DYM: variants seen among roughly 807,000 people sequenced by gnomAD.
DYM encodes the protein dymeclin, also known as dyggve-Melchior-Clausen syndrome protein.
Under a neutral mutation model 93.1 loss-of-function variants are expected in DYM, and 78 were observed. The ratio of observed to expected loss-of-function variants is 0.84; its 90% CI spans 0.70 to 1.01. DYM has a LOEUF of 1.01. DYM is among the 50% of genes least tolerant of loss of function. The pLI, the probability that DYM is intolerant of heterozygous loss-of-function variation, is 0.00. For missense variants in DYM, 789 were observed against 845.0 expected, an observed-to-expected ratio of 0.93 and a Z score of 0.82; for synonymous variants, 321 against 319.7, an observed-to-expected ratio of 1.00 and a Z score of -0.04.
At chr18:49,138,704 T>C (rs559867518) in intron 15 of DYM, among the ~76,000 whole-genome samples, 1 of 152,282 alleles carries the variant, frequency 6.6e-6, no homozygotes, top group Non-Finnish European at 1.5e-5. Context: ...GAACAGGTAC[T>C]GTACTAACTG....
chr18:49,191,791 G>A (rs1470206090), intron 14 of DYM, among the ~76,000 whole-genome samples: 2 of 152,138 alleles, frequency 1.3e-5, no homozygotes, highest in African/African-American at 4.8e-5. Context: ...TCTACGATGA[G>A]TCAAAATGAT....
Position 49,040,569 on chromosome 18 carries a change from CAGG to C in DYM, c.*3483_*3485del, listed in dbSNP as rs2070872966. ...GAATAGAAACTGACCTCTTTGACTC[CAGG>C]AGGTGATGTAGGACACTGGAATTGT... On this transcript the variant is annotated 3_prime_UTR_variant, in exon 18 of 18. Transcript: ENST00000675505. Among the ~76,000 whole-genome samples, 2 of 152,144 alleles carry C rather than the reference CAGG, an allele frequency of 1.3e-5. No individual in the cohort carries two copies. Among genetic ancestry groups the C allele is most frequent in the South Asian group, 4.1e-4 (2 of 4,834 alleles).
chr18:49,300,316 T>C, intron 8 of DYM, among the ~76,000 whole-genome samples: 1 of 151,914 alleles, frequency 6.6e-6, no homozygotes, highest in Non-Finnish European at 1.5e-5. Context: ...TTTTACATAG[T>C]AGGCCGGGTG....
intron 13 of DYM, among the ~76,000 whole-genome samples, chr18:49,255,255 T>A (rs2094367244): frequency 6.6e-6 from 1 of 152,208 alleles, no homozygotes; most frequent in African/African-American, 2.4e-5. Flanking sequence ...CAAAACTGAA[T>A]GGTCAAAACC....
At chr18:49,129,083 T>C (rs2083122367) in intron 15 of DYM, among the ~76,000 whole-genome samples, 2 of 148,302 alleles carry the variant, frequency 1.3e-5, no homozygotes, top group South Asian at 4.3e-4. Flanking sequence ...AAAAAGGCAG[T>C]AAAGGGTCAC....
chr18:49,080,134 G>A (rs1326723336), intron 17 of DYM, among the ~76,000 whole-genome samples: 2 of 51,152 alleles, frequency 3.9e-5, no homozygotes, highest in Admixed American at 3.3e-4. Flanking sequence ...CCTCCCTCCC[G>A]GACGGGGCGG....
intron 6 of DYM, among the ~76,000 whole-genome samples, chr18:49,348,114 T>C (rs1356018043): frequency 1.3e-5 from 2 of 152,090 alleles, no homozygotes; most frequent in African/African-American, 4.8e-5. Flanking sequence ...CTTCATGAAA[T>C]GGGTGTTAGT....
Position 49,037,058 on chromosome 18 carries a change from C to T in DYM, c.*6997G>A, listed in dbSNP as rs111451224. On this transcript the variant is annotated 3_prime_UTR_variant, in exon 18 of 18. Coordinates refer to ENST00000675505, the MANE Select transcript of DYM (RefSeq NM_001353214.3). ...CTGGGACTACAGATGCCCACCACCA[C>T]GCCCAGCTAATTTTTGTATTTTTAG... is the stretch of plus-strand genomic sequence containing the variant. 0.28 allele frequency among the ~76,000 whole-genome samples: 41,997 copies of T among 151,836 alleles called. 6,822 individuals are homozygous for T. Among genetic ancestry groups the T allele is most frequent in the East Asian group, 0.58 (2,970 of 5,160 alleles).
intron 14 of DYM, among the ~76,000 whole-genome samples, chr18:49,175,776 A>G (rs532155582): frequency 2.0e-3 from 310 of 152,288 alleles, no homozygotes; most frequent in Non-Finnish European, 3.9e-3. Flanking sequence ...ACTGCTCCAT[A>G]TTTCAACACT....
At chr18:49,107,917 C>G (rs2145786413) in intron 16 of DYM, among the ~76,000 whole-genome samples, 1 of 152,338 alleles carries the variant, frequency 6.6e-6, no homozygotes, top group East Asian at 1.9e-4. Context: ...GGGAGAACCA[C>G]TACTCTCTTC....
intron 8 of DYM, among the ~76,000 whole-genome samples, chr18:49,297,210 G>T (rs2060618939): frequency 6.6e-6 from 1 of 152,188 alleles, no homozygotes; most frequent in Non-Finnish European, 1.5e-5. Context: ...GTAGGATGAA[G>T]TATAAATATA....
chr18:49,194,449 T>A (rs1042120822), intron 14 of DYM, among the ~76,000 whole-genome samples: 2 of 152,232 alleles, frequency 1.3e-5, no homozygotes, highest in Admixed American at 6.5e-5. Context: ...ATTTTTTGGA[T>A]CAAATATGAA....
At chr18:49,405,980 T>C (rs573995682) in intron 2 of DYM, among the ~76,000 whole-genome samples, 7 of 152,184 alleles carry the variant, frequency 4.6e-5, no homozygotes, top group Non-Finnish European at 7.3e-5. Flanking sequence ...TTCTTTTTTG[T>C]GAGGCTGTTG....
At chr18:49,392,234 A>C (rs2069343029) in intron 2 of DYM, among the ~76,000 whole-genome samples, 1 of 152,148 alleles carries the variant, frequency 6.6e-6, no homozygotes, top group African/African-American at 2.4e-5. Context: ...ACAGATAGAC[A>C]GAGACAGAAA....
At chr18:49,095,199 T>C (rs2079434768) in intron 17 of DYM, among the ~76,000 whole-genome samples, 1 of 152,178 alleles carries the variant, frequency 6.6e-6, no homozygotes, top group Non-Finnish European at 1.5e-5. Flanking sequence ...TGAATCAACT[T>C]TAGATACCGT....
chr18:49,248,229 T>G (rs2094211774), intron 13 of DYM, among the ~76,000 whole-genome samples: 1 of 152,244 alleles, frequency 6.6e-6, no homozygotes, highest in Non-Finnish European at 1.5e-5. Flanking sequence ...ATCTTCATTT[T>G]CTTTGTTAGA....
chr18:49,433,090 G>T (rs2080486161), intron 1 of DYM, among the ~76,000 whole-genome samples: 1 of 152,106 alleles, frequency 6.6e-6, no homozygotes, highest in South Asian at 2.1e-4. Context: ...AGAAACAGGG[G>T]ATCCAACACA....
At chr18:49,066,285 A>T (rs2076379620) in intron 17 of DYM, among the ~76,000 whole-genome samples, 1 of 152,006 alleles carries the variant, frequency 6.6e-6, no homozygotes, top group Non-Finnish European at 1.5e-5. Flanking sequence ...GCTCTTTCTT[A>T]TACTTACTTT....
In DYM at chr18:49,216,150, T is replaced by C. The variant is rs912154081; in HGVS notation, c.1461-6435A>G. Among the ~76,000 whole-genome samples the C allele has an allele frequency of 5.3e-5, 8 of 152,262 alleles. No individual in the cohort carries two copies. The South Asian group carries it at 1.5e-3, about 28-fold the overall frequency. On this transcript the variant is annotated intron_variant, in intron 13 of 17. Coordinates refer to ENST00000675505, the MANE Select transcript of DYM (RefSeq NM_001353214.3). ...ACACCCACGGAGTCTCACTGACTGC[T>C]AGCACAGCAGTCTGAGATCAAACTG...
Sources: allele counts gnomAD v4.1 joint callset (sites outside exome capture counted in the v4.1 genomes callset), GRCh38; gene constraint gnomAD v4.1.1; transcripts MANE v1.5; gene names NCBI Gene and HGNC (gene_info 2026-07-23, HGNC 2026-07-21).